ITSN1: variants seen among roughly 807,000 people sequenced by gnomAD.
The protein encoded by ITSN1 is intersectin 1.
ITSN1 carries 58 observed loss-of-function variants against 239.8 expected under a neutral mutation model. The observed-to-expected ratio is 0.24, with a 90% CI of 0.20 to 0.30. The LOEUF (loss-of-function observed/expected upper bound fraction) is 0.30. Ranked by LOEUF, ITSN1 falls within the 10% of genes least tolerant of loss-of-function variation. The pLI is 1.00. For synonymous variants in ITSN1, 780 were observed against 770.8 expected (o/e 1.01, Z -0.20); for missense variants, 1,558 against 2,103.3 (o/e 0.74, Z 5.07).
chr21:33,743,103 A>G (rs1411050856), intron 5 of ITSN1, among the ~76,000 whole-genome samples: 1 of 152,236 alleles, frequency 6.6e-6, no homozygotes, highest in Non-Finnish European at 1.5e-5. Flanking sequence ...TGAGGATGCA[A>G]CTAGAAGCAA....
chr21:33,679,698 C>CTTTTTTTT (rs34301203), intron 1 of ITSN1, among the ~76,000 whole-genome samples: 86 of 86,316 alleles, frequency 1.0e-3, no homozygotes, highest in Non-Finnish European at 1.3e-3. Context: ...GATCCTTATC[C>CTTTTTTTT]TTTTTTTTTT....
intron 22 of ITSN1, chr21:33,817,749 A>G: frequency 1.2e-6 from 1 of 810,346 alleles, no homozygotes; most frequent in South Asian, 1.8e-5. Flanking sequence ...TATGCTAACC[A>G]AATCCCTGTT....
At chr21:33,784,310 A>AACACACACACACACAC (rs58496273) in intron 16 of ITSN1, among the ~76,000 whole-genome samples, 3,303 of 134,114 alleles carry the variant, frequency 0.025, 56 homozygotes, top group Non-Finnish European at 0.027. Context: ...GTCTCTACAA[A>AACACACACACACACAC]ACACACACAC....
chr21:33,850,380 G>A (rs995368582), intron 29 of ITSN1, among the ~76,000 whole-genome samples: 12 of 152,148 alleles, frequency 7.9e-5, no homozygotes, highest in African/African-American at 1.4e-4. Flanking sequence ...GTGCCTTTGG[G>A]GGCATTCCTT....
intron 1 of ITSN1, among the ~76,000 whole-genome samples, chr21:33,693,515 C>T (rs879871036): frequency 5.9e-5 from 9 of 152,202 alleles, no homozygotes; most frequent in Middle Eastern, 3.4e-3. Context: ...CGCCATCACA[C>T]TTTGCTAATT....
intron 39 of ITSN1, among the ~76,000 whole-genome samples, chr21:33,887,064 TC>T (rs1985911263): frequency 6.6e-6 from 1 of 152,078 alleles, no homozygotes; most frequent in Admixed American, 6.5e-5. Context: ...AGGCCTGGAA[TC>T]CCAACACTTT....
At chr21:33,874,854 G>A (rs980825665) in intron 33 of ITSN1, among the ~76,000 whole-genome samples, 8 of 152,084 alleles carry the variant, frequency 5.3e-5, no homozygotes, top group African/African-American at 7.2e-5. Flanking sequence ...TCACCATGTT[G>A]GCCAGGATGG....
At chr21:33,708,845 G>A (rs2092329291) in intron 1 of ITSN1, among the ~76,000 whole-genome samples, 2 of 152,294 alleles carry the variant, frequency 1.3e-5, no homozygotes, top group South Asian at 4.1e-4. Context: ...TGTGTATTAT[G>A]TAAAGTGTCA....
At chr21:33,711,651 GTTGTGTGTGTGTGT>G (rs1157385868) in intron 1 of ITSN1, among the ~76,000 whole-genome samples, 1 of 107,612 alleles carries the variant, frequency 9.3e-6, no homozygotes, top group Non-Finnish European at 1.8e-5. Context: ...TTTTCTGTGT[GTTGTGTGTGTGTGT>G]GTGTGTGTGT....
intron 1 of ITSN1, among the ~76,000 whole-genome samples, chr21:33,652,855 C>T (rs1231156147): frequency 1.3e-5 from 2 of 152,108 alleles, no homozygotes; most frequent in East Asian, 3.8e-4. Context: ...CAATGCTTCT[C>T]AGTCTTTGTG....
At chr21:33,753,797 A>G (rs905924501) in intron 7 of ITSN1, among the ~76,000 whole-genome samples, 2 of 145,344 alleles carry the variant, frequency 1.4e-5, no homozygotes, top group African/African-American at 5.1e-5. Context: ...AAATTCTCCT[A>G]TACCATGCTG....
At chr21:33,796,967 A>G (rs2071611722) in intron 17 of ITSN1, among the ~76,000 whole-genome samples, 1 of 152,148 alleles carries the variant, frequency 6.6e-6, no homozygotes, top group South Asian at 2.1e-4. Context: ...CTTGCTTTCA[A>G]CTTCAGGTTT....
intron 39 of ITSN1, among the ~76,000 whole-genome samples, chr21:33,887,033 C>A (rs1985905710): frequency 6.6e-6 from 1 of 152,072 alleles, no homozygotes; most frequent in East Asian, 1.9e-4. Flanking sequence ...CAATAAAAAT[C>A]ACCGGTGGGC....
At chr21:33,854,196 A>C (rs1410879759) in intron 29 of ITSN1, among the ~76,000 whole-genome samples, 1 of 152,210 alleles carries the variant, frequency 6.6e-6, no homozygotes, top group Non-Finnish European at 1.5e-5. Flanking sequence ...TCTTCAAGGC[A>C]ACTGTGGGGC....
Position 33,853,601 on chromosome 21 carries a change from C to T in ITSN1, c.3662-3135C>T, listed in dbSNP as rs574087962. On this transcript the variant is annotated intron_variant, in intron 29 of 39. Transcript: ENST00000381318. ...CTTTCCGATTCCTCATCATTCTACGCGTGTCTGCTGGTCCCTCGCACCTCC... is the reference window on the plus strand; with the variant it reads ...CTTTCCGATTCCTCATCATTCTACGTGTGTCTGCTGGTCCCTCGCACCTCC... Among the ~76,000 whole-genome samples, 36 of 152,310 alleles carry T rather than the reference C, an allele frequency of 2.4e-4. No individual in the cohort carries two copies. In the South Asian group the frequency reaches 6.6e-3, roughly 28 times the overall value.
chr21:33,656,287 G>GA (rs1183620746), intron 1 of ITSN1, among the ~76,000 whole-genome samples: 1 of 152,066 alleles, frequency 6.6e-6, no homozygotes, highest in Non-Finnish European at 1.5e-5. Context: ...GTCAAGAGGA[G>GA]AAAAAAACGC....
rs948754997 is a variant in ITSN1, at chr21:33,666,228, G to A, written c.-33+23515G>A. On this transcript the variant is annotated intron_variant, in intron 1 of 39. Coordinates refer to ENST00000381318, the MANE Select transcript of ITSN1 (RefSeq NM_003024.3). ...TTACAGGTTTGAGCCACTGCACCTG[G>A]CCTGTATGGTTCCATTTATATGAAA... is the stretch of plus-strand genomic sequence containing the variant. Among the ~76,000 whole-genome samples the A allele has an allele frequency of 5.3e-5, 8 of 152,258 alleles. No individual in the cohort carries two copies. In the East Asian group the frequency reaches 9.6e-4, roughly 18 times the overall value.
At chr21:33,648,970 A>G (rs2088246346) in intron 1 of ITSN1, among the ~76,000 whole-genome samples, 1 of 152,228 alleles carries the variant, frequency 6.6e-6, no homozygotes, top group African/African-American at 2.4e-5. Flanking sequence ...TAGTCTTGTT[A>G]TCCTTTACTC....
intron 14 of ITSN1, among the ~76,000 whole-genome samples, chr21:33,777,596 T>C (rs2147848003): frequency 6.6e-6 from 1 of 152,326 alleles, no homozygotes; most frequent in Middle Eastern, 3.4e-3. Flanking sequence ...AGTTATAAAT[T>C]TCTCTCAGCA....
Sources: gnomAD v4.1 joint callset for allele counts (sites outside exome capture counted in the v4.1 genomes callset) on GRCh38, gnomAD v4.1.1 for gene constraint, MANE v1.5 for transcripts, NCBI Gene and HGNC (gene_info 2026-07-23, HGNC 2026-07-21) for gene names.